The following SLC22A4 variants were observed in gnomAD, a reference collection of about 807,000 sequenced individuals.
SLC22A4 encodes ET transporter.
A neutral mutation model predicts 56.6 loss-of-function variants in SLC22A4; 39 were observed. The ratio of observed to expected loss-of-function variants is 0.69; its 90% CI spans 0.53 to 0.90. SLC22A4 has a LOEUF of 0.90. SLC22A4 is among the 40% of genes least tolerant of loss of function. SLC22A4 has a pLI of 0.00. For synonymous variants in SLC22A4, 241 were observed against 281.4 expected, an observed-to-expected ratio of 0.86 and a Z score of 1.44; for missense variants, 594 against 696.5, an observed-to-expected ratio of 0.85 and a Z score of 1.66.
At chr5:132,315,931 C>T (rs1034771624) in intron 3 of SLC22A4, among the ~76,000 whole-genome samples, 8 of 152,178 alleles carry the variant, frequency 5.3e-5, no homozygotes, top group East Asian at 1.9e-4. Flanking sequence ...AATGGCTGGA[C>T]GCCCCAGTCA....
intron 3 of SLC22A4, 116 bp downstream of exon 3, chr5:132,313,884 T>C: frequency 8.7e-7 from 1 of 1,155,436 alleles, no homozygotes; most frequent in Non-Finnish European, 1.3e-6. Flanking sequence ...ATATGTGTCT[T>C]GGGAGGGAGC....
At chr5:132,300,167 G>C (rs1303388323) in intron 1 of SLC22A4, among the ~76,000 whole-genome samples, 1 of 152,094 alleles carries the variant, frequency 6.6e-6, no homozygotes, top group Non-Finnish European at 1.5e-5. Context: ...TGCACTTTTT[G>C]GTAATGATAC....
Position 132,344,046 on chromosome 5 carries a change from A to C in SLC22A4, c.*211A>C. Reference sequence around the variant, plus strand: ...CCAACCATTTCTAGAGAGTCTCCTTACTCATTAATTCAATGAAATGGATTG... The same window carrying C: ...CCAACCATTTCTAGAGAGTCTCCTTCCTCATTAATTCAATGAAATGGATTG... On this transcript the variant is annotated 3_prime_UTR_variant, in exon 10 of 10. Coordinates refer to ENST00000200652, the MANE Select transcript of SLC22A4 (RefSeq NM_003059.3). 1 of 527,722 alleles carries C rather than the reference A, an allele frequency of 1.9e-6. No homozygotes were observed. The highest frequency in any genetic ancestry group is 3.0e-5 in the South Asian group (1 of 32,912). The allele number at this position is 527,722 out of a possible 1,614,324, so 32.7% of individuals were successfully genotyped here. A position where few individuals can be genotyped will look rare whatever the true frequency, so the allele number is the denominator to read the frequency against.
At chr5:132,343,647 T>G (rs897821054) in intron 9 of SLC22A4, 113 bp from the exon 10 acceptor site, 5 of 704,114 alleles carry the variant, frequency 7.1e-6, no homozygotes, top group Non-Finnish European at 1.3e-5. Flanking sequence ...AGAGTTCAAA[T>G]AGTTACTTGT....
At chr5:132,309,007 C>T (rs955449373) in intron 1 of SLC22A4, among the ~76,000 whole-genome samples, 1 of 152,224 alleles carries the variant, frequency 6.6e-6, no homozygotes, top group African/African-American at 2.4e-5. Context: ...AAGGAAAACA[C>T]TGTCTCCCAC....
chr5:132,320,964 G>C (rs972321347), intron 3 of SLC22A4: 7 of 152,242 alleles, frequency 4.6e-5, no homozygotes, highest in Non-Finnish European at 7.3e-5. Flanking sequence ...GGCAGACTCT[G>C]TGGAAAGGGC....
Position 132,320,749 on chromosome 5 carries a change from T to A in SLC22A4, c.653-1435T>A, listed in dbSNP as rs936652102. 3 of 152,384 alleles carry A rather than the reference T, an allele frequency of 2.0e-5. No individual in the cohort carries two copies. In the East Asian group the frequency reaches 5.8e-4, roughly 29 times the overall value. 9.4% of individuals were successfully genotyped at this position (152,384 alleles called of 1,614,324 possible). On this transcript the variant is annotated intron_variant, in intron 3 of 9. Coordinates refer to ENST00000200652, the MANE Select transcript of SLC22A4 (RefSeq NM_003059.3). Reference sequence around the variant, plus strand: ...CAACATAGTAATTTTGCTGCTTCTCTGGAATTAGCTCTTAATCCCTTAGCC... The same window carrying A: ...CAACATAGTAATTTTGCTGCTTCTCAGGAATTAGCTCTTAATCCCTTAGCC...
chr5:132,294,830 CGGG>C lies in SLC22A4; in HGVS notation c.215_217del (p.Arg72_Asp73delinsHis), dbSNP rs1353663146. 1 of 1,610,342 alleles carries C rather than the reference CGGG, an allele frequency of 6.2e-7. No individual in the cohort carries two copies. Among genetic ancestry groups the C allele is most frequent in the African/African-American group, 1.3e-5 (1 of 74,868 alleles). The stretch of plus-strand genomic sequence containing the variant: ...CAACAACAGTGTCCCGCTGCGGCTG[CGGG>C]ACGGCCGCGAGGTGCCCCACAGCTG... On this transcript the variant is annotated inframe_deletion, in exon 1 of 10. Transcript: ENST00000200652. The surrounding 1 kb of genome is among the most constrained non-coding windows in gnomAD (Gnocchi z 5.6).
intron 6 of SLC22A4, among the ~76,000 whole-genome samples, chr5:132,334,100 C>T (rs1292482633): frequency 5.3e-5 from 8 of 152,126 alleles, no homozygotes; most frequent in Non-Finnish European, 1.0e-4. Context: ...TGAGCCACCA[C>T]GCATGGCCCA....
chr5:132,343,929 G>T lies in SLC22A4; in HGVS notation c.*94G>T. The stretch of plus-strand genomic sequence containing the variant: ...CCCACTGAAATGGACTGACTGTAAC[G>T]ATTGACACCAAAATGAACCTTGCTA... On this transcript the variant is annotated 3_prime_UTR_variant, in exon 10 of 10. Transcript: ENST00000200652. The T allele has an allele frequency of 2.7e-6, 2 of 750,736 alleles. No individual in the cohort carries two copies. Among genetic ancestry groups the T allele is most frequent in the East Asian group, 5.2e-5 (2 of 38,758 alleles). The allele number at this position is 750,736 out of a possible 1,614,324, so 46.5% of individuals were successfully genotyped here.
chr5:132,322,500 G>A, intron 4 of SLC22A4, 145 bp downstream of exon 4: 1 of 765,792 alleles, frequency 1.3e-6, no homozygotes, highest in East Asian at 2.7e-5. Context: ...GAGAGTTTTT[G>A]CCTCATTGTG....
At chr5:132,328,021 C>T (rs931689364) in intron 5 of SLC22A4, among the ~76,000 whole-genome samples, 4 of 152,182 alleles carry the variant, frequency 2.6e-5, no homozygotes, top group African/African-American at 9.7e-5. Flanking sequence ...AGAAAAGACA[C>T]AGCCCAAATT....
intron 3 of SLC22A4, among the ~76,000 whole-genome samples, chr5:132,319,695 C>T (rs913008575): frequency 1.3e-5 from 2 of 152,144 alleles, no homozygotes; most frequent in Non-Finnish European, 2.9e-5. Context: ...TGGGTTCAAG[C>T]GATTATCCTG....
At chr5:132,325,025 A>G (rs1750650819) in intron 4 of SLC22A4, among the ~76,000 whole-genome samples, 1 of 152,192 alleles carries the variant, frequency 6.6e-6, no homozygotes, top group South Asian at 2.1e-4. Context: ...AAGTGGCCAC[A>G]GGTGTGAATG....
intron 4 of SLC22A4, among the ~76,000 whole-genome samples, chr5:132,323,011 G>A (rs1345472221): frequency 6.6e-6 from 1 of 152,132 alleles, no homozygotes; most frequent in Non-Finnish European, 1.5e-5. Flanking sequence ...AAAAATCATA[G>A]AACAAGGTGT....
intron 6 of SLC22A4, chr5:132,332,403 G>A (rs1580844192): frequency 1.3e-5 from 2 of 157,274 alleles, no homozygotes; most frequent in African/African-American, 4.8e-5. Context: ...AAAGTTATGG[G>A]ATTGAGATCA....
intron 5 of SLC22A4, among the ~76,000 whole-genome samples, chr5:132,327,884 G>A (rs1750727536): frequency 6.6e-6 from 1 of 152,184 alleles, no homozygotes; most frequent in African/African-American, 2.4e-5. Context: ...GCACAGGCTT[G>A]AGGATTCACC....
At chr5:132,336,065 C>T in intron 8 of SLC22A4, 65 bp downstream of exon 8, 2 of 1,523,624 alleles carry the variant, frequency 1.3e-6, no homozygotes, top group Non-Finnish European at 1.8e-6. Context: ...GTAAGATTTT[C>T]ATTGTGAAAA....
intron 3 of SLC22A4, chr5:132,320,891 C>A (rs1355548651): frequency 6.6e-6 from 1 of 152,170 alleles, no homozygotes; most frequent in Non-Finnish European, 1.5e-5. Context: ...ATGGGCAGAT[C>A]CCCAACAAAA....
Sources: allele counts gnomAD v4.1 joint callset (sites outside exome capture counted in the v4.1 genomes callset), GRCh38; gene constraint gnomAD v4.1.1; non-coding constraint Gnocchi (gnomAD v3.1); transcripts MANE v1.5; gene names NCBI Gene and HGNC (gene_info 2026-07-23, HGNC 2026-07-21).